AP1AR: variants seen among roughly 807,000 people sequenced by gnomAD.
AP1AR encodes the protein adaptor related protein complex 1 associated regulatory protein.
A neutral mutation model predicts 46.3 loss-of-function variants in AP1AR; 29 were observed. The ratio of observed to expected loss-of-function variants is 0.63; its 90% CI spans 0.47 to 0.85. The LOEUF (loss-of-function observed/expected upper bound fraction) is 0.85. AP1AR is among the 40% of genes least tolerant of loss of function. AP1AR has a pLI of 0.00. For missense variants in AP1AR, 357 were observed against 356.3 expected (o/e 1.00, Z -0.02); for synonymous variants, 122 against 122.9 (o/e 0.99, Z 0.05).
intron 3 of AP1AR, among the ~76,000 whole-genome samples, chr4:112,255,865 T>C (rs564790188): frequency 6.6e-6 from 1 of 152,370 alleles, no homozygotes; most frequent in East Asian, 1.9e-4. Flanking sequence ...TTAGTTTGTA[T>C]GCTAATTTGC....
intron 1 of AP1AR, among the ~76,000 whole-genome samples, chr4:112,236,944 G>A (rs2110464766): frequency 6.6e-6 from 1 of 152,254 alleles, no homozygotes; most frequent in South Asian, 2.1e-4. Flanking sequence ...TTAACTTTTT[G>A]ATAACTTACT....
Position 112,272,854 on chromosome 4 carries a change from T to G in AP1AR, c.*4445T>G, listed in dbSNP as rs1311887323. 1.3e-5 allele frequency: 2 copies of G among 152,104 alleles called. No homozygotes were observed. Among genetic ancestry groups the G allele is most frequent in the African/African-American group, 2.4e-5 (1 of 41,408 alleles). The allele number at this position is 152,104 out of a possible 1,614,324, so 9.4% of individuals were successfully genotyped here. On this transcript the variant is annotated 3_prime_UTR_variant, in exon 10 of 10. Transcript: ENST00000274000. ...TTATGCCCGCTTTTTTTTCAATAGATAAATATATTTTTCTAGCAGAGGCCA... is the reference window on the plus strand; with the variant it reads ...TTATGCCCGCTTTTTTTTCAATAGAGAAATATATTTTTCTAGCAGAGGCCA...
intron 3 of AP1AR, among the ~76,000 whole-genome samples, chr4:112,255,052 C>T (rs1362941583): frequency 6.6e-6 from 1 of 151,892 alleles, no homozygotes; most frequent in East Asian, 1.9e-4. Flanking sequence ...GCTCCGCCTC[C>T]CGGGTCACGC....
intron 8 of AP1AR, among the ~76,000 whole-genome samples, chr4:112,266,252 G>T (rs1726700438): frequency 6.6e-6 from 1 of 151,624 alleles, no homozygotes; most frequent in African/African-American, 2.4e-5. Flanking sequence ...TGAAAATATA[G>T]GTTGCTTTTT....
chr4:112,235,437 C>G (rs1013927971), intron 1 of AP1AR, among the ~76,000 whole-genome samples: 1 of 152,110 alleles, frequency 6.6e-6, no homozygotes, highest in Non-Finnish European at 1.5e-5. Flanking sequence ...CTTTTTGGCT[C>G]CAGCAGCCAA....
chr4:112,239,457 C>CT (rs988044272), intron 1 of AP1AR, among the ~76,000 whole-genome samples: 40 of 152,162 alleles, frequency 2.6e-4, no homozygotes, highest in African/African-American at 9.4e-4. Flanking sequence ...TTTTGGAGTC[C>CT]TTCAAAACTT....
intron 5 of AP1AR, 77 bp downstream of exon 5, chr4:112,260,939 G>GT (rs1726416221): frequency 1.1e-6 from 1 of 897,924 alleles, no homozygotes; most frequent in African/African-American, 1.7e-5. Flanking sequence ...ATTGTGTAGA[G>GT]TCTTTGGACC....
At chr4:112,265,130 A>G in intron 7 of AP1AR, 63 bp downstream of exon 7, 1 of 1,285,282 alleles carries the variant, frequency 7.8e-7, no homozygotes, top group Non-Finnish European at 1.1e-6. Context: ...GGTGTAGAGC[A>G]TCATTCACCT....
rs1169023111 is a variant in AP1AR, at chr4:112,268,723, T to C, written c.*314T>C. ...GATTTCCACTTTCAATTTTTAAAATTAATTTTACTTTGAATGATTTATGAA... is the reference window on the plus strand; with the variant it reads ...GATTTCCACTTTCAATTTTTAAAATCAATTTTACTTTGAATGATTTATGAA... On this transcript the variant is annotated 3_prime_UTR_variant, in exon 10 of 10. Transcript: ENST00000274000. 5.1e-6 allele frequency: 1 copy of C among 197,732 alleles called. No individual in the cohort carries two copies. The highest frequency in any genetic ancestry group is 1.0e-5 in the Non-Finnish European group (1 of 98,866). The allele number at this position is 197,732 out of a possible 1,614,324, so 12.2% of individuals were successfully genotyped here.
At chr4:112,247,889 A>T (rs986737364) in intron 1 of AP1AR, among the ~76,000 whole-genome samples, 1 of 152,258 alleles carries the variant, frequency 6.6e-6, no homozygotes, top group Non-Finnish European at 1.5e-5. Flanking sequence ...ACCATTTGGT[A>T]AAAGCTTGAT....
At chr4:112,254,890 T>C in intron 3 of AP1AR, 117 bp downstream of exon 3, 1 of 512,796 alleles carries the variant, frequency 2.0e-6, no homozygotes, top group Non-Finnish European at 3.2e-6. Context: ...TTTTATTTTC[T>C]GGTTTTTATT....
In AP1AR at chr4:112,231,995, C is replaced by A; in HGVS notation, c.-97C>A. The A allele has an allele frequency of 8.5e-7, 1 of 1,173,758 alleles. No homozygotes were observed. Among genetic ancestry groups the A allele is most frequent in the Non-Finnish European group, 1.1e-6 (1 of 905,694 alleles). The allele number at this position is 1,173,758 out of a possible 1,614,324, so 72.7% of individuals were successfully genotyped here. ...CCGGCCCGCCCTCGGTCCTTGAACC[C>A]CATTTCGGCTCGTGCCGTGCGGATG... On this transcript the variant is annotated 5_prime_UTR_variant, in exon 1 of 10. Coordinates refer to ENST00000274000, the MANE Select transcript of AP1AR (RefSeq NM_018569.6).
At chr4:112,248,005 A>G (rs1216623968) in intron 1 of AP1AR, among the ~76,000 whole-genome samples, 1 of 152,238 alleles carries the variant, frequency 6.6e-6, no homozygotes, top group Non-Finnish European at 1.5e-5. Context: ...ATTTGATTCA[A>G]TAGCAAGTAC....
In AP1AR at chr4:112,272,130, G is replaced by A. The variant is rs1222373904; in HGVS notation, c.*3721G>A. ...GGATGAAGAATAAAGAACAGCTAAT[G>A]CAGACAATTTGAAAAGAGAGCAGAG... On this transcript the variant is annotated 3_prime_UTR_variant, in exon 10 of 10. Transcript: ENST00000274000. 6.6e-6 allele frequency among the ~76,000 whole-genome samples: 1 copy of A among 152,220 alleles called. No homozygotes were observed. The highest frequency in any genetic ancestry group is 1.5e-5 in the Non-Finnish European group (1 of 68,034).
rs1725017039 is a variant in AP1AR, at chr4:112,231,924, C to G, written c.-168C>G. The G allele has an allele frequency of 4.2e-6, 2 of 478,942 alleles. No homozygotes were observed. The highest frequency in any genetic ancestry group is 6.8e-6 in the Non-Finnish European group (2 of 292,900). The allele number at this position is 478,942 out of a possible 1,614,324, so 29.7% of individuals were successfully genotyped here. A position where few individuals can be genotyped will look rare whatever the true frequency, so the allele number is the denominator to read the frequency against. ...AGTAAACACTGCCTTTGTTCCCTAG[C>G]GCCTCGTCTTTCGTCGCCCCGTGCC... On this transcript the variant is annotated 5_prime_UTR_variant, in exon 1 of 10. Coordinates refer to ENST00000274000, the MANE Select transcript of AP1AR (RefSeq NM_018569.6).
At chr4:112,258,087 A>T (rs1008212602) in intron 4 of AP1AR, among the ~76,000 whole-genome samples, 29 of 152,198 alleles carry the variant, frequency 1.9e-4, no homozygotes, top group African/African-American at 6.5e-4. Context: ...TTTCTTTTAA[A>T]TTTTTTAACT....
chr4:112,244,026 T>C (rs1725618294), intron 1 of AP1AR, among the ~76,000 whole-genome samples: 1 of 152,142 alleles, frequency 6.6e-6, no homozygotes. Flanking sequence ...AATATTCCTA[T>C]ATACCAGCAA....
chr4:112,248,390 T>A (rs886137489), intron 1 of AP1AR, among the ~76,000 whole-genome samples: 14 of 152,200 alleles, frequency 9.2e-5, no homozygotes, highest in African/African-American at 2.9e-4. Flanking sequence ...TTAAAGAAAT[T>A]ATTTTAAATT....
chr4:112,242,140 A>G (rs1367842488), intron 1 of AP1AR, among the ~76,000 whole-genome samples: 1 of 152,238 alleles, frequency 6.6e-6, no homozygotes, highest in African/African-American at 2.4e-5. Context: ...TATGCAAAAC[A>G]AAGTGAGAAG....
Sources: allele counts gnomAD v4.1 joint callset (sites outside exome capture counted in the v4.1 genomes callset), GRCh38; gene constraint gnomAD v4.1.1; transcripts MANE v1.5; gene names NCBI Gene and HGNC (gene_info 2026-07-23, HGNC 2026-07-21).